Variants in ACER2 observed in about 807,000 individuals in gnomAD.
ACER2 encodes the protein alkaline ceramidase 2.
ACER2 carries 26 observed loss-of-function variants against 34.7 expected under a neutral mutation model. That is an observed-to-expected ratio of 0.75 (90% confidence interval 0.55 to 1.04). ACER2 has a LOEUF of 1.04. Among genes scored for constraint, ACER2 ranks in the 50% least tolerant of loss-of-function variants. The probability of loss-of-function intolerance (pLI) is 0.00; values close to 1 mark genes in which losing one functional copy is unlikely to be tolerated. For missense variants in ACER2, 352 were observed against 340.8 expected (o/e 1.03, Z -0.26); for synonymous variants, 138 against 132.1 (o/e 1.04, Z -0.31).
At chr9:19,411,531 C>T (rs763425835) in intron 1 of ACER2, among the ~76,000 whole-genome samples, 2 of 151,984 alleles carry the variant, frequency 1.3e-5, no homozygotes, top group Admixed American at 6.5e-5. Context: ...TCACCATGCC[C>T]GGCCTTCTTC....
At chr9:19,427,877 A>G (rs1830619165) in intron 3 of ACER2, among the ~76,000 whole-genome samples, 1 of 152,066 alleles carries the variant, frequency 6.6e-6, no homozygotes, top group Admixed American at 6.6e-5. Context: ...CATGTTAGCC[A>G]GGATGGTCTC....
intron 3 of ACER2, among the ~76,000 whole-genome samples, chr9:19,432,724 A>G (rs1203892487): frequency 4.7e-5 from 7 of 147,954 alleles, no homozygotes; most frequent in African/African-American, 1.7e-4. Flanking sequence ...TATAATATAT[A>G]TTCTTTACAC....
intron 1 of ACER2, among the ~76,000 whole-genome samples, chr9:19,419,530 T>C (rs10757058): frequency 0.16 from 23,608 of 152,124 alleles, 1,887 homozygotes; most frequent in South Asian, 0.24. Context: ...CTGTTAAAGA[T>C]TGAGGCAGGC....
At chr9:19,416,823 C>T (rs536189258) in intron 1 of ACER2, among the ~76,000 whole-genome samples, 32 of 152,192 alleles carry the variant, frequency 2.1e-4, no homozygotes, top group Middle Eastern at 6.8e-3. Flanking sequence ...GTGAGCCACC[C>T]GTGCCCCGCC....
chr9:19,434,665 C>G (rs1057186414), intron 3 of ACER2, among the ~76,000 whole-genome samples: 3 of 152,242 alleles, frequency 2.0e-5, no homozygotes, highest in African/African-American at 4.8e-5. Flanking sequence ...TGCAGGCACT[C>G]CGCAGGCTGA....
intron 1 of ACER2, among the ~76,000 whole-genome samples, chr9:19,412,879 T>C (rs77220335): frequency 1.3e-5 from 2 of 152,350 alleles, no homozygotes; most frequent in Non-Finnish European, 2.9e-5. Flanking sequence ...TAATCAATCC[T>C]TATTGATGGA....
chr9:19,439,343 G>GTTTTTTTTTT (rs1831069865), intron 4 of ACER2, among the ~76,000 whole-genome samples: 2 of 107,714 alleles, frequency 1.9e-5, no homozygotes, highest in Admixed American at 8.9e-5. Context: ...AAAGGGGCTT[G>GTTTTTTTTTT]CTTTTTTTTT....
rs1378561761 is a variant in ACER2, at chr9:19,451,602, C to T, written c.*966C>T. ...GCACAATTTTTAAATACTGACATCA[C>T]TTCCTCTTCCCCCTCCCACCCCAGC... On this transcript the variant is annotated 3_prime_UTR_variant, in exon 6 of 6. Coordinates refer to ENST00000340967, the MANE Select transcript of ACER2 (RefSeq NM_001010887.3). 1.3e-5 allele frequency: 2 copies of T among 152,506 alleles called. No homozygotes were observed. The highest frequency in any genetic ancestry group is 4.8e-5 in the African/African-American group (2 of 41,430). The allele number at this position is 152,506 out of a possible 1,614,324, so 9.4% of individuals were successfully genotyped here. A position where few individuals can be genotyped will look rare whatever the true frequency, so the allele number is the denominator to read the frequency against.
chr9:19,445,478 G>C (rs566509901), intron 4 of ACER2, among the ~76,000 whole-genome samples: 8 of 152,156 alleles, frequency 5.3e-5, no homozygotes, highest in Non-Finnish European at 2.9e-5. Context: ...AGGGAAGGAG[G>C]CCTTAGGGAG....
rs1830003549 is a variant in ACER2 at position 19,409,074 on chromosome 9, C to G, written c.-11C>G. 1 of 1,570,640 alleles carries G rather than the reference C, an allele frequency of 6.4e-7. No individual in the cohort carries two copies. The highest frequency in any genetic ancestry group is 8.6e-7 in the Non-Finnish European group (1 of 1,158,510). Reference sequence around the variant, plus strand: ...CTGCGCGAGCAGCTGCTCCAATGCCCCGGAGTGGCCATGGGCGCCCCGCAC... The same window carrying G: ...CTGCGCGAGCAGCTGCTCCAATGCCGCGGAGTGGCCATGGGCGCCCCGCAC... On this transcript the variant is annotated 5_prime_UTR_variant, in exon 1 of 6. Coordinates refer to ENST00000340967, the MANE Select transcript of ACER2 (RefSeq NM_001010887.3).
chr9:19,416,633 C>G (rs1830248234), intron 1 of ACER2, among the ~76,000 whole-genome samples: 1 of 151,942 alleles, frequency 6.6e-6, no homozygotes, highest in Admixed American at 6.5e-5. Context: ...CCAAGTGATT[C>G]TCCTGCCTTA....
At chr9:19,447,916 T>G (rs1302535551) in intron 5 of ACER2, among the ~76,000 whole-genome samples, 1 of 151,760 alleles carries the variant, frequency 6.6e-6, no homozygotes, top group Non-Finnish European at 1.5e-5. Flanking sequence ...CTGATGTATA[T>G]CCATTGAGAT....
rs571200904 is a variant in ACER2, at chr9:19,451,247, C to G, written c.*611C>G. The G allele has an allele frequency of 1.3e-5, 2 of 152,510 alleles. No homozygotes were observed. The highest frequency in any genetic ancestry group is 4.1e-4 in the South Asian group (2 of 4,834). The allele number at this position is 152,510 out of a possible 1,614,324, so 9.4% of individuals were successfully genotyped here. ...TTCCCAGGCGCCCTTGGAGTGGACT[C>G]TACTGATGACAGACAGACCCTCTGA... On this transcript the variant is annotated 3_prime_UTR_variant, in exon 6 of 6. Transcript: ENST00000340967.
At chr9:19,433,660 A>G (rs2132501317) in intron 3 of ACER2, among the ~76,000 whole-genome samples, 1 of 152,360 alleles carries the variant, frequency 6.6e-6, no homozygotes, top group South Asian at 2.1e-4. Context: ...GTTCTCAATG[A>G]GCTGTTGGGC....
chr9:19,425,891 C>T (rs1394726056), intron 3 of ACER2, among the ~76,000 whole-genome samples: 1 of 152,052 alleles, frequency 6.6e-6, no homozygotes, highest in Non-Finnish European at 1.5e-5. Context: ...AGAGTTATAC[C>T]AGGAAAAGAA....
At chr9:19,441,017 G>A (rs1413617223) in intron 4 of ACER2, among the ~76,000 whole-genome samples, 2 of 150,982 alleles carry the variant, frequency 1.3e-5, no homozygotes, top group African/African-American at 2.4e-5. Flanking sequence ...CCCCAAACAT[G>A]CCATTTCAGC....
intron 3 of ACER2, among the ~76,000 whole-genome samples, chr9:19,433,728 C>T (rs537661515): frequency 0.013 from 2,011 of 151,638 alleles, 34 homozygotes; most frequent in African/African-American, 0.046. Flanking sequence ...CCAGTAGGGG[C>T]GGCCGGGCAG....
At chr9:19,423,143 T>G (rs1402178186) in intron 1 of ACER2, among the ~76,000 whole-genome samples, 1 of 151,066 alleles carries the variant, frequency 6.6e-6, no homozygotes, top group African/African-American at 2.4e-5. Flanking sequence ...CTGGAAAACA[T>G]AGCTAGACCA....
intron 5 of ACER2, chr9:19,446,787 C>A: frequency 5.5e-6 from 2 of 362,830 alleles, no homozygotes; most frequent in Non-Finnish European, 7.7e-6. Flanking sequence ...GATGTGAGGG[C>A]TGGGAGGGTC....
Sources: allele counts gnomAD v4.1 joint callset (sites outside exome capture counted in the v4.1 genomes callset), GRCh38; gene constraint gnomAD v4.1.1; transcripts MANE v1.5; gene names NCBI Gene and HGNC (gene_info 2026-07-23, HGNC 2026-07-21).